The following CEP85L variants were observed in gnomAD, a reference collection of about 807,000 sequenced individuals.
CEP85L encodes centrosomal protein 85L.
CEP85L carries 60 observed loss-of-function variants against 100.3 expected under a neutral mutation model. The ratio of observed to expected loss-of-function variants is 0.60; its 90% confidence interval spans 0.49 to 0.74. CEP85L has a LOEUF of 0.74. CEP85L is among the 30% of genes least tolerant of loss of function. CEP85L has a pLI of 0.00. For synonymous variants in CEP85L, 319 were observed against 322.7 expected, an observed-to-expected ratio of 0.99 and a Z score of 0.12; for missense variants, 973 against 936.2, an observed-to-expected ratio of 1.04 and a Z score of -0.51.
Position 118,463,606 on chromosome 6 carries a change from G to A in CEP85L, c.*1799C>T, listed in dbSNP as rs1772338461. 6.6e-6 allele frequency: 1 copy of A among 152,050 alleles called. No individual in the cohort carries two copies. The highest frequency in any genetic ancestry group is 2.1e-4 in the South Asian group (1 of 4,838). The allele number at this position is 152,050 out of a possible 1,614,324, so 9.4% of individuals were successfully genotyped here. A position where few individuals can be genotyped will look rare whatever the true frequency, so the allele number is the denominator to read the frequency against. ...CAAGTGAATATAATTAGAAAGCCAA[G>A]TTCTTACCAGTGACTAAGACCCTCC... On this transcript the variant is annotated 3_prime_UTR_variant, in exon 13 of 13. Coordinates refer to ENST00000368491, the MANE Select transcript of CEP85L (RefSeq NM_001042475.3).
At chr6:118,598,468 G>A (rs9481833) in intron 2 of CEP85L, among the ~76,000 whole-genome samples, 24,926 of 152,084 alleles carry the variant, frequency 0.16, 2,168 homozygotes, top group Non-Finnish European at 0.19. Flanking sequence ...GCTGGTTCAG[G>A]GTGAGCCCTA....
chr6:118,517,663 T>C (rs1776360713), intron 4 of CEP85L, among the ~76,000 whole-genome samples: 1 of 152,234 alleles, frequency 6.6e-6, no homozygotes, highest in Non-Finnish European at 1.5e-5. Context: ...TTTCTAAATA[T>C]ACAATCATGT....
chr6:118,707,278 C>T (rs555211531), intron 1 of CEP85L, among the ~76,000 whole-genome samples: 13 of 150,658 alleles, frequency 8.6e-5, no homozygotes, highest in Admixed American at 8.6e-4. Context: ...GCAGCCTCAA[C>T]TTCCCAGGCT....
chr6:118,694,324 T>G (rs1777136208), intron 1 of CEP85L, among the ~76,000 whole-genome samples: 1 of 151,638 alleles, frequency 6.6e-6, no homozygotes, highest in South Asian at 2.1e-4. Flanking sequence ...TTGTTCAAAT[T>G]CATTACCACC....
chr6:118,673,828 A>G (rs1449685611), intron 1 of CEP85L, among the ~76,000 whole-genome samples: 1 of 152,060 alleles, frequency 6.6e-6, no homozygotes, highest in Admixed American at 6.6e-5. Context: ...AAAAAAGGAA[A>G]TTAACCAGAG....
chr6:118,622,921 T>C (rs1773545246), intron 2 of CEP85L, among the ~76,000 whole-genome samples: 1 of 152,276 alleles, frequency 6.6e-6, no homozygotes, highest in African/African-American at 2.4e-5. Flanking sequence ...ACCCTTAGTA[T>C]GGAGCAACCC....
At chr6:118,600,017 A>C (rs1431735310) in intron 2 of CEP85L, among the ~76,000 whole-genome samples, 1 of 152,174 alleles carries the variant, frequency 6.6e-6, no homozygotes, top group Non-Finnish European at 1.5e-5. Flanking sequence ...AACTGGTAAA[A>C]TTCTAATAAA....
intron 1 of CEP85L, among the ~76,000 whole-genome samples, chr6:118,690,935 C>T (rs1370381722): frequency 6.6e-6 from 1 of 150,598 alleles, no homozygotes; most frequent in Non-Finnish European, 1.5e-5. Context: ...GAGGTAGAGG[C>T]TAGAGTGATT....
intron 4 of CEP85L, among the ~76,000 whole-genome samples, chr6:118,513,204 TAA>T (rs1776070648): frequency 2.0e-5 from 3 of 151,942 alleles, no homozygotes; most frequent in Admixed American, 2.0e-4. Context: ...CGCGAGATTA[TAA>T]GAGGCCAAAT....
intron 2 of CEP85L, among the ~76,000 whole-genome samples, chr6:118,575,826 C>T (rs1284659792): frequency 6.6e-6 from 1 of 151,696 alleles, no homozygotes; most frequent in Admixed American, 6.6e-5. Context: ...ATGAGTAAAC[C>T]CTAAAAAAAA....
intron 1 of CEP85L, among the ~76,000 whole-genome samples, chr6:118,670,172 G>A (rs144539409): frequency 5.9e-5 from 9 of 151,332 alleles, no homozygotes; most frequent in East Asian, 1.9e-4. Context: ...GGGCTTGCCC[G>A]TGTGACTTGC....
chr6:118,498,483 A>G (rs1279511360), intron 5 of CEP85L, among the ~76,000 whole-genome samples: 1 of 152,106 alleles, frequency 6.6e-6, no homozygotes, highest in African/African-American at 2.4e-5. Flanking sequence ...GGAGATTTTA[A>G]CAACTGTATC....
At chr6:118,687,623 C>T (rs946556809) in intron 1 of CEP85L, among the ~76,000 whole-genome samples, 2 of 152,190 alleles carry the variant, frequency 1.3e-5, no homozygotes, top group Non-Finnish European at 2.9e-5. Context: ...CCCAGGCATT[C>T]GAGCCGGCAA....
intron 5 of CEP85L, among the ~76,000 whole-genome samples, chr6:118,511,042 C>T (rs67832971): frequency 0.46 from 70,418 of 151,796 alleles, 16,819 homozygotes; most frequent in Middle Eastern, 0.57. Context: ...CTTATATCTG[C>T]TTGTGATATG....
intron 5 of CEP85L, among the ~76,000 whole-genome samples, chr6:118,495,938 G>A (rs1774890507): frequency 6.6e-6 from 1 of 152,216 alleles, no homozygotes. Flanking sequence ...TCAGAAGGAT[G>A]TGCAAGAGGA....
At chr6:118,638,452 C>T (rs1774654329) in intron 1 of CEP85L, among the ~76,000 whole-genome samples, 1 of 151,516 alleles carries the variant, frequency 6.6e-6, no homozygotes, top group Non-Finnish European at 1.5e-5. Context: ...AATCCAGAAG[C>T]ACAATACAGG....
intron 1 of CEP85L, among the ~76,000 whole-genome samples, chr6:118,701,081 A>T (rs1337150027): frequency 6.6e-6 from 1 of 152,220 alleles, no homozygotes; most frequent in Non-Finnish European, 1.5e-5. Context: ...AAGTCCTCCC[A>T]TTCAGAGTGA....
chr6:118,473,383 T>C (rs1397941674), intron 10 of CEP85L, among the ~76,000 whole-genome samples: 1 of 152,130 alleles, frequency 6.6e-6, no homozygotes, highest in Admixed American at 6.5e-5. Context: ...GTCCCAGAGA[T>C]ATCCAGAGTT....
chr6:118,600,370 T>TAA, intron 2 of CEP85L, among the ~76,000 whole-genome samples: 1 of 86,442 alleles, frequency 1.2e-5, no homozygotes, highest in South Asian at 3.9e-4. Context: ...TGTGTGTGTG[T>TAA]AACGCCATGG....
Sources: gnomAD v4.1 joint callset for allele counts (sites outside exome capture counted in the v4.1 genomes callset) on GRCh38, gnomAD v4.1.1 for gene constraint, MANE v1.5 for transcripts, NCBI Gene and HGNC (gene_info 2026-07-23, HGNC 2026-07-21) for gene names.